The following STAC variants were observed in gnomAD, a reference collection of about 807,000 sequenced individuals.
The protein encoded by STAC is SH3 and cysteine-rich domain-containing protein.
In STAC, 43 loss-of-function variants were observed where a neutral mutation model predicts 48.8. The ratio of observed to expected loss-of-function variants is 0.88; its 90% CI spans 0.69 to 1.14. The LOEUF (loss-of-function observed/expected upper bound fraction) is 1.14. STAC is among the 50% of genes most tolerant of loss of function. The pLI, the probability that STAC is intolerant of heterozygous loss-of-function variation, is 0.00. For missense variants in STAC, 497 were observed against 504.0 expected (o/e 0.99, Z 0.13); for synonymous variants, 193 against 179.5 (o/e 1.07, Z -0.60).
intron 6 of STAC, among the ~76,000 whole-genome samples, chr3:36,497,251 A>C (rs1698172589): frequency 6.6e-6 from 1 of 152,226 alleles, no homozygotes; most frequent in South Asian, 2.1e-4. Flanking sequence ...TCAGGTAAAG[A>C]TCTTTTTAAA....
chr3:36,515,975 CTTTTTTTTTTT>C (rs1203330014), intron 8 of STAC, among the ~76,000 whole-genome samples: 3 of 61,452 alleles, frequency 4.9e-5, no homozygotes, highest in African/African-American at 7.1e-5. Flanking sequence ...CATTTTTCTC[CTTTTTTTTTTT>C]TTTTTTTTTT....
At chr3:36,500,015 G>GA (rs1409543002) in intron 6 of STAC, among the ~76,000 whole-genome samples, 1 of 152,122 alleles carries the variant, frequency 6.6e-6, no homozygotes, top group African/African-American at 2.4e-5. Context: ...TACATAGCCT[G>GA]AAAAATGATA....
chr3:36,492,389 C>T (rs1225713849), intron 5 of STAC, among the ~76,000 whole-genome samples: 2 of 152,084 alleles, frequency 1.3e-5, no homozygotes, highest in African/African-American at 2.4e-5. Flanking sequence ...ATTCACAGCC[C>T]CAGCTCCACC....
At chr3:36,453,627 G>GGAGGCTAGGGGATTGTAAACACACATA in intron 2 of STAC, among the ~76,000 whole-genome samples, 1 of 106,464 alleles carries the variant, frequency 9.4e-6, no homozygotes, top group Admixed American at 1.0e-4. Flanking sequence ...TCCCTGACGA[G>GGAGGCTAGGGGATTGTAAACACACATA]CGCCGCCCCC....
chr3:36,528,446 C>T (rs1418533236), intron 8 of STAC, among the ~76,000 whole-genome samples: 2 of 145,576 alleles, frequency 1.4e-5, no homozygotes, highest in Non-Finnish European at 1.5e-5. Context: ...TCCAGCCTGG[C>T]GACAGAGCGA....
chr3:36,421,215 A>C (rs1379042435), intron 1 of STAC, among the ~76,000 whole-genome samples: 2 of 152,196 alleles, frequency 1.3e-5, no homozygotes, highest in African/African-American at 4.8e-5. Context: ...CATTAACTAC[A>C]TTTTCACATA....
At chr3:36,399,451 G>C (rs927096630) in intron 1 of STAC, among the ~76,000 whole-genome samples, 1 of 152,236 alleles carries the variant, frequency 6.6e-6, no homozygotes, top group Non-Finnish European at 1.5e-5. Flanking sequence ...CTAGGAACTG[G>C]GTGGTTACCC....
At chr3:36,530,842 C>T (rs138976189) in intron 10 of STAC, among the ~76,000 whole-genome samples, 7 of 152,182 alleles carry the variant, frequency 4.6e-5, no homozygotes, top group Middle Eastern at 3.4e-3. Context: ...AGGTGATCCA[C>T]CCGCCTCGGC....
chr3:36,448,120 G>T (rs1229688573), intron 2 of STAC, among the ~76,000 whole-genome samples: 1 of 151,614 alleles, frequency 6.6e-6, no homozygotes, highest in Non-Finnish European at 1.5e-5. Context: ...TTGCACATTC[G>T]GCCCACTTGA....
intron 5 of STAC, among the ~76,000 whole-genome samples, chr3:36,492,031 A>AAATATATAT (rs1553639882): frequency 6.1e-5 from 1 of 16,440 alleles, no homozygotes; most frequent in Non-Finnish European, 1.2e-4. Flanking sequence ...AAAAAAAAAA[A>AAATATATAT]ATATATATAT....
Position 36,484,994 on chromosome 3 carries a change from T to G in STAC, c.507T>G (p.Arg169=). 6.2e-7 allele frequency: 1 copy of G among 1,602,386 alleles called. No individual in the cohort carries two copies. The highest frequency in any genetic ancestry group is 8.5e-7 in the Non-Finnish European group (1 of 1,174,436). Residue 169 remains arginine, a synonymous_variant, in exon 4 of 11, where the codon CGT becomes CGG. Transcript: ENST00000273183. The stretch of plus-strand genomic sequence containing the variant: ...CTCTCCAGCCAAAGGGGTTTCGGCG[T>G]TACTACAGCTCCCCCTTGCTCATTC... ...CMGKLPKGFR[R]YYSSPLLIHE...
intron 2 of STAC, among the ~76,000 whole-genome samples, chr3:36,476,880 A>G (rs898929662): frequency 6.6e-6 from 1 of 152,118 alleles, no homozygotes; most frequent in Non-Finnish European, 1.5e-5. Context: ...GCTCTGCACA[A>G]CTTTTGATGC....
chr3:36,487,994 C>G (rs1697861654), intron 5 of STAC, among the ~76,000 whole-genome samples: 1 of 152,130 alleles, frequency 6.6e-6, no homozygotes, highest in Non-Finnish European at 1.5e-5. Context: ...TAAATAAAGG[C>G]TGCTTAGGTT....
intron 1 of STAC, among the ~76,000 whole-genome samples, chr3:36,400,411 A>G (rs1163148654): frequency 6.6e-6 from 1 of 152,232 alleles, no homozygotes; most frequent in East Asian, 1.9e-4. Context: ...CATCACAGAT[A>G]ACCCCATGAT....
chr3:36,435,006 T>G (rs1268065783), intron 1 of STAC, among the ~76,000 whole-genome samples: 1 of 152,194 alleles, frequency 6.6e-6, no homozygotes, highest in Non-Finnish European at 1.5e-5. Context: ...CTTTAAGAGC[T>G]TTGGAGACAG....
At chr3:36,437,327 GTA>G (rs1413221345) in intron 1 of STAC, among the ~76,000 whole-genome samples, 1 of 151,538 alleles carries the variant, frequency 6.6e-6, no homozygotes, top group Non-Finnish European at 1.5e-5. Flanking sequence ...ACATGCACAC[GTA>G]TGTTTATTGC....
chr3:36,532,025 T>A (rs938301461), intron 10 of STAC, among the ~76,000 whole-genome samples: 2 of 152,222 alleles, frequency 1.3e-5, no homozygotes, highest in African/African-American at 2.4e-5. Flanking sequence ...TTTTGTCTTT[T>A]GAATCTAATA....
intron 5 of STAC, among the ~76,000 whole-genome samples, chr3:36,487,168 C>T (rs1697836037): frequency 6.6e-6 from 1 of 152,174 alleles, no homozygotes; most frequent in Non-Finnish European, 1.5e-5. Context: ...GCAGCTTCCT[C>T]ATTGGGTGCA....
intron 2 of STAC, among the ~76,000 whole-genome samples, chr3:36,448,950 T>C (rs1696603542): frequency 7.1e-6 from 1 of 140,078 alleles, no homozygotes; most frequent in Admixed American, 7.1e-5. Context: ...ATAAAATGAG[T>C]AAAATTAAAT....
Sources: gnomAD v4.1 joint callset for allele counts (sites outside exome capture counted in the v4.1 genomes callset) on GRCh38, gnomAD v4.1.1 for gene constraint, MANE v1.5 for transcripts, NCBI Gene and HGNC (gene_info 2026-07-23, HGNC 2026-07-21) for gene names.